ANGPT2: variants seen among roughly 807,000 people sequenced by gnomAD.
ANGPT2 encodes the protein angiopoietin-2.
In ANGPT2, 28 loss-of-function variants were observed where a neutral mutation model predicts 62.9. The observed-to-expected ratio is 0.44, with a 90% CI of 0.33 to 0.61. ANGPT2 has a LOEUF of 0.61. Among genes scored for constraint, ANGPT2 ranks in the 20% least tolerant of loss-of-function variants. The pLI, the probability that ANGPT2 is intolerant of heterozygous loss-of-function variation, is 0.03. For synonymous variants in ANGPT2, 284 were observed against 207.8 expected (o/e 1.37, Z -3.15); for missense variants, 727 against 594.9 (o/e 1.22, Z -2.31).
chr8:6,551,124 G>C (rs986514944), intron 1 of ANGPT2, among the ~76,000 whole-genome samples: 1 of 152,184 alleles, frequency 6.6e-6, no homozygotes, highest in African/African-American at 2.4e-5. Flanking sequence ...CCCCTGACTC[G>C]AAGCTGACCA....
chr8:6,506,539 G>C (rs940592078), intron 8 of ANGPT2, among the ~76,000 whole-genome samples: 1 of 152,104 alleles, frequency 6.6e-6, no homozygotes, highest in Non-Finnish European at 1.5e-5. Context: ...GAGAGAGCTG[G>C]GTCCAGCATG....
chr8:6,535,357 C>G (rs376606145), intron 1 of ANGPT2, among the ~76,000 whole-genome samples: 2 of 152,144 alleles, frequency 1.3e-5, no homozygotes, highest in East Asian at 3.8e-4. Flanking sequence ...CTTTGAAAGA[C>G]ATACAGGCCC....
chr8:6,508,620 C>A, intron 8 of ANGPT2: 2 of 480,044 alleles, frequency 4.2e-6, no homozygotes, highest in South Asian at 4.7e-5. Context: ...GTAATTAAAC[C>A]ATCTCTCTAG....
At chr8:6,509,188 A>T in intron 7 of ANGPT2, 126 bp from the exon 8 acceptor site, 1 of 1,224,546 alleles carries the variant, frequency 8.2e-7, no homozygotes, top group Non-Finnish European at 1.1e-6. Flanking sequence ...GGACTAATGC[A>T]TACTCTGGAC....
At chr8:6,551,242 T>G (rs1429085169) in intron 1 of ANGPT2, among the ~76,000 whole-genome samples, 2 of 152,160 alleles carry the variant, frequency 1.3e-5, no homozygotes, top group Non-Finnish European at 2.9e-5. Flanking sequence ...TTTTTTTTCT[T>G]CTTTCTCATG....
intron 1 of ANGPT2, among the ~76,000 whole-genome samples, chr8:6,536,511 C>A (rs886913380): frequency 3.3e-5 from 5 of 152,038 alleles, no homozygotes; most frequent in Non-Finnish European, 7.4e-5. Context: ...CAGTGGAGGG[C>A]CATTTTTACC....
chr8:6,508,861 A>C (rs1814340375), intron 8 of ANGPT2, 71 bp downstream of exon 8: 5 of 1,604,422 alleles, frequency 3.1e-6, no homozygotes, highest in Non-Finnish European at 3.4e-6. Flanking sequence ...TTGTAGTCCA[A>C]ATTGCCAGCC....
At chr8:6,507,961 A>T (rs539034189) in intron 8 of ANGPT2, 1 of 152,328 alleles carries the variant, frequency 6.6e-6, no homozygotes, top group East Asian at 1.9e-4. Context: ...ATCTGTTTTA[A>T]GTGACTACTA....
At chr8:6,505,503 GTATATATAGAATATA>G (rs1813383872) in intron 8 of ANGPT2, among the ~76,000 whole-genome samples, 1 of 4,020 alleles carries the variant, frequency 2.5e-4, no homozygotes, top group Non-Finnish European at 7.5e-4. Context: ...CTTTATATAT[GTATATATAGAATATA>G]TATTCTTTAT....
chr8:6,509,962 G>T (rs1446638793), intron 7 of ANGPT2, among the ~76,000 whole-genome samples: 2 of 152,052 alleles, frequency 1.3e-5, no homozygotes, highest in Non-Finnish European at 2.9e-5. Context: ...CACTAGCCAG[G>T]GAAAGATCCA....
chr8:6,505,287 T>TAAGAA (rs554257480), intron 8 of ANGPT2, among the ~76,000 whole-genome samples: 1 of 89,418 alleles, frequency 1.1e-5, no homozygotes, highest in Non-Finnish European at 1.9e-5. Flanking sequence ...CATATATATG[T>TAAGAA]TATATACATA....
chr8:6,541,122 C>G (rs1586498912), intron 1 of ANGPT2, among the ~76,000 whole-genome samples: 1 of 152,216 alleles, frequency 6.6e-6, no homozygotes, highest in African/African-American at 2.4e-5. Flanking sequence ...TGAGGCAAGG[C>G]CTGTCTCTGA....
intron 8 of ANGPT2, among the ~76,000 whole-genome samples, chr8:6,504,267 G>C (rs1039609850): frequency 7.2e-6 from 1 of 138,098 alleles, no homozygotes; most frequent in African/African-American, 2.7e-5. Flanking sequence ...GCAGTGAGCC[G>C]AGATCGCGCC....
At chr8:6,534,625 A>G (rs1264813770) in intron 1 of ANGPT2, among the ~76,000 whole-genome samples, 1 of 152,204 alleles carries the variant, frequency 6.6e-6, no homozygotes, top group Non-Finnish European at 1.5e-5. Flanking sequence ...TTAAAAAATT[A>G]AAGTATTAAA....
At chr8:6,519,820 C>T (rs751765666) in intron 5 of ANGPT2, 44 bp downstream of exon 5, 1 of 1,603,960 alleles carries the variant, frequency 6.2e-7, no homozygotes, top group African/African-American at 1.3e-5. Flanking sequence ...CTAAAGTGGC[C>T]TGCCTAGAGC....
At chr8:6,535,375 A>T (rs1820294525) in intron 1 of ANGPT2, among the ~76,000 whole-genome samples, 1 of 152,210 alleles carries the variant, frequency 6.6e-6, no homozygotes, top group Non-Finnish European at 1.5e-5. Flanking sequence ...CCCAATTTTA[A>T]AAAATAAAAT....
intron 1 of ANGPT2, among the ~76,000 whole-genome samples, chr8:6,539,132 C>A (rs1353027123): frequency 6.6e-6 from 1 of 152,190 alleles, no homozygotes; most frequent in Non-Finnish European, 1.5e-5. Context: ...GAGGGAAGGG[C>A]TGGGAGATGC....
At chr8:6,540,427 G>C (rs547717137) in intron 1 of ANGPT2, among the ~76,000 whole-genome samples, 1 of 152,194 alleles carries the variant, frequency 6.6e-6, no homozygotes, top group Non-Finnish European at 1.5e-5. Flanking sequence ...CATTTCATAT[G>C]CAAAAGGTGT....
intron 5 of ANGPT2, among the ~76,000 whole-genome samples, chr8:6,515,014 T>C (rs1049761493): frequency 4.6e-5 from 7 of 152,234 alleles, no homozygotes; most frequent in Non-Finnish European, 8.8e-5. Context: ...AAAGTGTTGA[T>C]GAGAATATGA....
Sources: gnomAD v4.1 joint callset for allele counts (sites outside exome capture counted in the v4.1 genomes callset) on GRCh38, gnomAD v4.1.1 for gene constraint, MANE v1.5 for transcripts, NCBI Gene and HGNC (gene_info 2026-07-23, HGNC 2026-07-21) for gene names.